AKAP6: variants seen among roughly 807,000 people sequenced by gnomAD.
AKAP6 encodes the protein A-kinase anchoring protein 6, also known as A-kinase anchor protein 6.
Under a neutral mutation model 188.5 loss-of-function variants are expected in AKAP6, and 58 were observed. That is an observed-to-expected ratio of 0.31 (90% CI 0.25 to 0.38). The LOEUF (loss-of-function observed/expected upper bound fraction) is 0.38. Among genes scored for constraint, AKAP6 ranks in the 10% least tolerant of loss-of-function variants. The probability of loss-of-function intolerance (pLI) is 1.00; values close to 1 mark genes in which losing one functional copy is unlikely to be tolerated. For synonymous variants in AKAP6, 989 were observed against 998.6 expected, an observed-to-expected ratio of 0.99 and a Z score of 0.18; for missense variants, 2,710 against 2,740.0, an observed-to-expected ratio of 0.99 and a Z score of 0.24.
chr14:32,813,264 C>A (rs2383378), intron 12 of AKAP6, among the ~76,000 whole-genome samples: 44,821 of 151,990 alleles, frequency 0.29, 8,129 homozygotes, highest in Non-Finnish European at 0.4. Flanking sequence ...GGTAAGGGGG[C>A]GGGCAAAGCT....
chr14:32,391,292 T>G (rs1888706807), intron 1 of AKAP6, among the ~76,000 whole-genome samples: 1 of 152,160 alleles, frequency 6.6e-6, no homozygotes, highest in South Asian at 2.1e-4. Context: ...TCTGCGCTTG[T>G]CTTATTTAGA....
intron 12 of AKAP6, among the ~76,000 whole-genome samples, chr14:32,788,919 T>G (rs2033519395): frequency 6.6e-6 from 1 of 152,180 alleles, no homozygotes; most frequent in Non-Finnish European, 1.5e-5. Flanking sequence ...CCTACTGGCT[T>G]GGAATTCTAG....
At chr14:32,608,723 GA>G (rs1886231592) in intron 7 of AKAP6, among the ~76,000 whole-genome samples, 1 of 152,078 alleles carries the variant, frequency 6.6e-6, no homozygotes, top group South Asian at 2.1e-4. Context: ...AACTAAAGTT[GA>G]AAAGATGCTT....
In AKAP6 at chr14:32,600,660, T is replaced by A; in HGVS notation, c.2598T>A (p.Ser866Arg). ...GLKDMLRMIA[S>R]QWKELQRQIK... ...AGGACATGCTGCGGATGATTGCAAG[T>A]CAATGGAAGGAGCTGCAGAGGCAAA... Residue 866 changes from serine (S) to arginine (R), a missense_variant, in exon 7 of 14, where the codon AGT (serine) becomes AGA (arginine). Coordinates refer to ENST00000280979, the MANE Select transcript of AKAP6 (RefSeq NM_004274.5). The A allele has an allele frequency of 6.2e-7, 1 of 1,613,258 alleles. No individual in the cohort carries two copies. The highest frequency in any genetic ancestry group is 2.2e-5 in the East Asian group (1 of 44,852).
rs114858193 is a variant in AKAP6, at chr14:32,377,269, T to C, written c.-35+47861T>C. ...TTCTCTCGCTCATTCTAGCTTACTA[T>C]TGGCAGCAGTTCCACTAGTTTCATT... On this transcript the variant is annotated intron_variant, in intron 1 of 13. Transcript: ENST00000280979. Among the ~76,000 whole-genome samples the C allele has an allele frequency of 3.4e-3, 522 of 152,350 alleles. 1 individual carries two copies. The highest frequency in any genetic ancestry group is 0.012 in the African/African-American group (503 of 41,584).
intron 1 of AKAP6, among the ~76,000 whole-genome samples, chr14:32,372,770 CTGTGTGTG>C (rs3031400): frequency 0.016 from 2,358 of 147,330 alleles, 33 homozygotes; most frequent in African/African-American, 0.032. Context: ...TTTTGTTGCT[CTGTGTGTG>C]TGTGTGTGTG....
chr14:32,796,529 G>A lies in AKAP6; in HGVS notation c.3588+22636G>A, dbSNP rs371499456. On this transcript the variant is annotated intron_variant, in intron 12 of 13. Transcript: ENST00000280979. Reference sequence around the variant, plus strand: ...CAAACCTGACAAAAAGCAGCAATGGGGAAAGGACTCCCTATTTAATAAATG... The same window carrying A: ...CAAACCTGACAAAAAGCAGCAATGGAGAAAGGACTCCCTATTTAATAAATG... Among the ~76,000 whole-genome samples, 142 of 152,302 alleles carry A rather than the reference G, an allele frequency of 9.3e-4. 3 individuals carry two copies. The highest frequency in any genetic ancestry group is 3.2e-3 in the African/African-American group (131 of 41,568).
At chr14:32,460,687 C>A (rs1302265931) in intron 2 of AKAP6, among the ~76,000 whole-genome samples, 1 of 152,196 alleles carries the variant, frequency 6.6e-6, no homozygotes, top group Non-Finnish European at 1.5e-5. Flanking sequence ...TTTTTTCATA[C>A]CCCATGGGTG....
chr14:32,466,739 C>CAAAAA (rs71432057), intron 2 of AKAP6, among the ~76,000 whole-genome samples: 1 of 106,188 alleles, frequency 9.4e-6, no homozygotes. Context: ...ACTTAAAGTT[C>CAAAAA]AAAAAAAAAA....
At chr14:32,721,212 A>G (rs1202362666) in intron 9 of AKAP6, among the ~76,000 whole-genome samples, 2 of 152,232 alleles carry the variant, frequency 1.3e-5, no homozygotes, top group Non-Finnish European at 2.9e-5. Flanking sequence ...ATTGGAATGC[A>G]CAGAAAACCC....
chr14:32,604,811 A>C (rs1314911261), intron 7 of AKAP6, among the ~76,000 whole-genome samples: 3 of 152,118 alleles, frequency 2.0e-5, no homozygotes, highest in Non-Finnish European at 4.4e-5. Flanking sequence ...AATATACAAG[A>C]CTTCATTTTC....
intron 10 of AKAP6, chr14:32,734,329 A>G (rs535690650): frequency 6.6e-6 from 1 of 152,284 alleles, no homozygotes. Flanking sequence ...TGTGGAATGG[A>G]AATACATTAG....
intron 2 of AKAP6, chr14:32,484,650 C>A: frequency 4.7e-6 from 1 of 212,124 alleles, no homozygotes; most frequent in South Asian, 4.8e-4. Flanking sequence ...TAGATGTGGT[C>A]GTTACCTAGA....
At chr14:32,793,248 A>C (rs1348595173) in intron 12 of AKAP6, among the ~76,000 whole-genome samples, 2 of 152,216 alleles carry the variant, frequency 1.3e-5, no homozygotes, top group African/African-American at 2.4e-5. Flanking sequence ...TAAAGAGCCA[A>C]GACCCATCAG....
At position 32,545,688 on chromosome 14, in the gene AKAP6, G is replaced by A; in HGVS notation, c.1035G>A (p.Gln345=). The A allele has an allele frequency of 6.2e-7, 1 of 1,614,180 alleles. No homozygotes were observed. The part of the protein sequence containing the change: ...NAAQPSSETV[Q]QESSSSSHHD... ...CTCAACCCTCCTCTGAGACTGTGCA[G>A]CAAGAATCCAGTTCCTCCTCCCATC... The change falls in exon 4 of 14, where the codon CAG becomes CAA. Residue 345 remains glutamine, a synonymous_variant. Coordinates refer to ENST00000280979, the MANE Select transcript of AKAP6 (RefSeq NM_004274.5).
chr14:32,700,347 G>A (rs1890571448), intron 9 of AKAP6, among the ~76,000 whole-genome samples: 1 of 152,090 alleles, frequency 6.6e-6, no homozygotes, highest in Non-Finnish European at 1.5e-5. Flanking sequence ...TTAATTTCAA[G>A]GGCCAAATTC....
At chr14:32,700,543 A>T (rs544127856) in intron 9 of AKAP6, among the ~76,000 whole-genome samples, 1 of 152,306 alleles carries the variant, frequency 6.6e-6, no homozygotes, top group South Asian at 2.1e-4. Flanking sequence ...AGGACTACAT[A>T]TGCAATGGTT....
At chr14:32,777,083 G>T (rs1363182238) in intron 12 of AKAP6, among the ~76,000 whole-genome samples, 1 of 152,136 alleles carries the variant, frequency 6.6e-6, no homozygotes, top group East Asian at 1.9e-4. Context: ...AGGGTACCAA[G>T]AAAAGTTTTT....
chr14:32,575,811 G>A (rs1427361101), intron 4 of AKAP6, among the ~76,000 whole-genome samples: 1 of 152,128 alleles, frequency 6.6e-6, no homozygotes, highest in Non-Finnish European at 1.5e-5. Flanking sequence ...ATGATAGACT[G>A]AGCTCTATCT....
Sources: gnomAD v4.1 joint callset for allele counts (sites outside exome capture counted in the v4.1 genomes callset) on GRCh38, gnomAD v4.1.1 for gene constraint, MANE v1.5 for transcripts, NCBI Gene and HGNC (gene_info 2026-07-23, HGNC 2026-07-21) for gene names.